The following ARHGAP39 variants were observed in gnomAD, a reference collection of about 807,000 sequenced individuals.
ARHGAP39 encodes rho GTPase-activating protein 39.
A neutral mutation model predicts 106.9 loss-of-function variants in ARHGAP39; 44 were observed. The ratio of observed to expected loss-of-function variants is 0.41; its 90% CI spans 0.32 to 0.53. ARHGAP39 has a LOEUF of 0.53. Among genes scored for constraint, ARHGAP39 ranks in the 20% least tolerant of loss-of-function variants. The probability of loss-of-function intolerance (pLI) is 0.21; values close to 1 mark genes in which losing one functional copy is unlikely to be tolerated. For missense variants in ARHGAP39, 1,496 were observed against 1,577.3 expected (o/e 0.95, Z 0.87); for synonymous variants, 768 against 693.2 (o/e 1.11, Z -1.69).
intron 6 of ARHGAP39, among the ~76,000 whole-genome samples, chr8:144,544,930 C>G: frequency 6.6e-6 from 1 of 152,370 alleles, no homozygotes; most frequent in South Asian, 2.1e-4. Context: ...GCTCCGCCCT[C>G]GGCGTCTTCG....
At chr8:144,683,787 G>C (rs1822495610) in intron 1 of ARHGAP39, among the ~76,000 whole-genome samples, 1 of 151,396 alleles carries the variant, frequency 6.6e-6, no homozygotes, top group South Asian at 2.1e-4. Context: ...CAGCGCCACA[G>C]ACTTCCAGCT....
chr8:144,675,057 G>C (rs1009263986), intron 1 of ARHGAP39, among the ~76,000 whole-genome samples: 1 of 152,054 alleles, frequency 6.6e-6, no homozygotes, highest in Non-Finnish European at 1.5e-5. Flanking sequence ...AGGAGGGCCA[G>C]GCTCCCACCC....
intron 2 of ARHGAP39, among the ~76,000 whole-genome samples, chr8:144,589,842 G>A (rs138309006): frequency 0.012 from 1,871 of 152,326 alleles, 44 homozygotes; most frequent in African/African-American, 0.043. Flanking sequence ...GCCAGGCCCC[G>A]CCTCCTCCAG....
intron 1 of ARHGAP39, among the ~76,000 whole-genome samples, chr8:144,653,110 C>A (rs528545720): frequency 2.6e-4 from 40 of 152,176 alleles, no homozygotes; most frequent in African/African-American, 9.2e-4. Flanking sequence ...CCAGCCTGAT[C>A]AACATGGTGA....
Position 144,548,433 on chromosome 8 carries a change from G to T in ARHGAP39, c.653C>A (p.Ala218Asp). Residue 218 changes from alanine (A) to aspartate (D), a missense_variant, in exon 5 of 12, where the codon GCT (alanine) becomes GAT (aspartate). Coordinates refer to ENST00000377307, the MANE Select transcript of ARHGAP39 (RefSeq NM_025251.3). This position sits in a 1 kb window ranked among gnomAD's most constrained non-coding sequence, Gnocchi z 7.4. ...GAKERMLIKV[A>D]DREPSFLAAQ... ...GGCGAGGAAGCTGGGCTCCCGATCA[G>T]CGACCTTGATGAGCATGCGCTCTTT... is the stretch of plus-strand genomic sequence containing the variant. 1 of 1,610,874 alleles carries T rather than the reference G, an allele frequency of 6.2e-7. No homozygotes were observed.
In ARHGAP39 at chr8:144,581,244, G is replaced by C; in HGVS notation, c.114C>G (p.Thr38=). The C allele has an allele frequency of 1.3e-6, 2 of 1,553,122 alleles. No homozygotes were observed. Among genetic ancestry groups the C allele is most frequent in the Non-Finnish European group, 1.7e-6 (2 of 1,149,368 alleles). Residue 38 remains threonine, a synonymous_variant, in exon 3 of 12, where the codon ACC becomes ACG. Transcript: ENST00000377307. Reference sequence around the variant, plus strand: ...CCAGGTTGGCGTACATGCGCTCGCGGGTGCGCGGTTCGATGATCTCCACCC... The same window carrying C: ...CCAGGTTGGCGTACATGCGCTCGCGCGTGCGCGGTTCGATGATCTCCACCC... ...LEWVEIIEPR[T]RERMYANLVT... is the part of the protein sequence containing the mutation.
At chr8:144,619,722 G>A (rs572820956) in intron 1 of ARHGAP39, among the ~76,000 whole-genome samples, 2 of 151,268 alleles carry the variant, frequency 1.3e-5, no homozygotes, top group East Asian at 2.0e-4. Context: ...AAAAGCATAT[G>A]TGTCCGTGTG....
intron 1 of ARHGAP39, among the ~76,000 whole-genome samples, chr8:144,622,324 T>C (rs918455519): frequency 3.3e-5 from 5 of 151,782 alleles, no homozygotes; most frequent in African/African-American, 9.7e-5. Flanking sequence ...CAGAAAAACT[T>C]CAGCAATGTC....
At chr8:144,596,990 A>G (rs1325484491) in intron 2 of ARHGAP39, among the ~76,000 whole-genome samples, 3 of 152,158 alleles carry the variant, frequency 2.0e-5, no homozygotes. Context: ...ACGCCATGAG[A>G]TGGAGTCCCA....
intron 1 of ARHGAP39, among the ~76,000 whole-genome samples, chr8:144,678,921 A>G (rs1822312946): frequency 6.6e-6 from 1 of 152,080 alleles, no homozygotes; most frequent in South Asian, 2.1e-4. Context: ...GTAGTGCAGG[A>G]GGGACATGGT....
chr8:144,675,835 T>C lies in ARHGAP39; in HGVS notation c.-82+9851A>G, dbSNP rs535269369. Among the ~76,000 whole-genome samples the C allele has an allele frequency of 9.9e-5, 15 of 151,240 alleles. No individual in the cohort carries two copies. In the South Asian group the frequency reaches 3.2e-3, roughly 32 times the overall value. On this transcript the variant is annotated intron_variant, in intron 1 of 11. Transcript: ENST00000377307. Reference sequence around the variant, plus strand: ...TTAGTATTACAGTTCTTAAAGGCAGTGCATCTGGAGTTGTTCGTTCCCTCC... The same window carrying C: ...TTAGTATTACAGTTCTTAAAGGCAGCGCATCTGGAGTTGTTCGTTCCCTCC...
intron 1 of ARHGAP39, among the ~76,000 whole-genome samples, chr8:144,650,897 G>A (rs1821557045): frequency 6.6e-6 from 1 of 152,174 alleles, no homozygotes; most frequent in African/African-American, 2.4e-5. Context: ...GTCCTAGCCA[G>A]AGCAATCGGG....
At chr8:144,636,022 T>C (rs1821165647) in intron 1 of ARHGAP39, among the ~76,000 whole-genome samples, 1 of 92,584 alleles carries the variant, frequency 1.1e-5, no homozygotes, top group Non-Finnish European at 2.2e-5. Flanking sequence ...AGGTAGACAG[T>C]GTGGGGACTG....
rs115854325 is a variant in ARHGAP39 at position 144,618,394 on chromosome 8, T to A, written c.-81-12699A>T. ...AAAAAGAATCCACTTCACAGTTTAC[T>A]GATGTGGAATTTTTGTTTTTGCCTG... On this transcript the variant is annotated intron_variant, in intron 1 of 11. Coordinates refer to ENST00000377307, the MANE Select transcript of ARHGAP39 (RefSeq NM_025251.3). Among the ~76,000 whole-genome samples, 552 of 152,368 alleles carry A rather than the reference T, an allele frequency of 3.6e-3. 3 individuals carry two copies. Among genetic ancestry groups the A allele is most frequent in the African/African-American group, 0.013 (533 of 41,592 alleles).
At chr8:144,693,575 G>A in the ARHGAP39 span, among the ~76,000 whole-genome samples, 1 of 146,350 alleles carries the variant, frequency 6.8e-6, no homozygotes, top group Non-Finnish European at 1.5e-5. Context: ...GGGTTTCACC[G>A]TGTTAGCCAG....
Position 144,679,208 on chromosome 8 carries a change from T to C in ARHGAP39, c.-82+6478A>G, listed in dbSNP as rs547944224. ...AGACATCCAGCTGCACCTTCAGTCA[T>C]GGTGAGATGGCCCAGACAGCAGGTA... On this transcript the variant is annotated intron_variant, in intron 1 of 11. Transcript: ENST00000377307. The surrounding 1 kb of genome is among the most constrained non-coding windows in gnomAD (Gnocchi z 4.7). 9.9e-5 allele frequency among the ~76,000 whole-genome samples: 15 copies of C among 152,252 alleles called. No homozygotes were observed. The highest frequency in any genetic ancestry group is 3.3e-4 in the Admixed American group (5 of 15,290).
the ARHGAP39 span, among the ~76,000 whole-genome samples, chr8:144,692,246 C>T: frequency 2.0e-5 from 3 of 152,136 alleles, no homozygotes; most frequent in Non-Finnish European, 4.4e-5. Context: ...GGCTATTCTG[C>T]TTTCCATGCA....
the ARHGAP39 span, among the ~76,000 whole-genome samples, chr8:144,692,748 CTTTTTTTTTTT>C: frequency 1.6e-4 from 11 of 69,050 alleles, no homozygotes; most frequent in Non-Finnish European, 2.9e-4. Flanking sequence ...TTGTAAAATT[CTTTTTTTTTTT>C]TTTTTTTTTT....
rs1819380081 is a variant in ARHGAP39 at position 144,591,222 on chromosome 8, C to T, written c.81-9945G>A. ...CTCTCCCCAGCCGGAGCCTGGACCCCAATGGACAGCTGCTCTGTGCTCCCG... is the reference window on the plus strand; with the variant it reads ...CTCTCCCCAGCCGGAGCCTGGACCCTAATGGACAGCTGCTCTGTGCTCCCG... On this transcript the variant is annotated intron_variant, in intron 2 of 11. Coordinates refer to ENST00000377307, the MANE Select transcript of ARHGAP39 (RefSeq NM_025251.3). The surrounding 1 kb of genome is among the most constrained non-coding windows in gnomAD (Gnocchi z 5.3). Among the ~76,000 whole-genome samples the T allele has an allele frequency of 6.6e-6, 1 of 152,186 alleles. No homozygotes were observed. The highest frequency in any genetic ancestry group is 2.1e-4 in the South Asian group (1 of 4,830).
Sources: gnomAD v4.1 joint callset for allele counts (sites outside exome capture counted in the v4.1 genomes callset) on GRCh38, gnomAD v4.1.1 for gene constraint, Gnocchi (gnomAD v3.1) non-coding constraint, MANE v1.5 for transcripts, NCBI Gene and HGNC (gene_info 2026-07-23, HGNC 2026-07-21) for gene names.